The following IGSF11 variants were observed in gnomAD, a reference collection of about 807,000 sequenced individuals.
IGSF11 encodes the protein CXADR like 1.
A neutral mutation model predicts 41.0 loss-of-function variants in IGSF11; 22 were observed. The observed-to-expected ratio is 0.54, with a 90% confidence interval of 0.38 to 0.77. The LOEUF is 0.77. Ranked by LOEUF, IGSF11 falls within the 30% of genes least tolerant of loss-of-function variation. The probability of loss-of-function intolerance (pLI) is 0.00; values close to 1 mark genes in which losing one functional copy is unlikely to be tolerated. For synonymous variants in IGSF11, 219 were observed against 201.3 expected, an observed-to-expected ratio of 1.09 and a Z score of -0.74; for missense variants, 444 against 530.8, an observed-to-expected ratio of 0.84 and a Z score of 1.61.
intron 1 of IGSF11, among the ~76,000 whole-genome samples, chr3:119,094,251 A>AAAAAAAAAT (rs2076812553): frequency 2.4e-5 from 3 of 126,074 alleles, no homozygotes; most frequent in Non-Finnish European, 3.5e-5. Context: ...AAAAAAAAAA[A>AAAAAAAAAT]GTTGTTGTTC....
intron 1 of IGSF11, among the ~76,000 whole-genome samples, chr3:118,935,954 G>A (rs1030375433): frequency 2.0e-5 from 3 of 152,096 alleles, no homozygotes; most frequent in Non-Finnish European, 2.9e-5. Flanking sequence ...TGCAGAAGAC[G>A]AAATTAAGTT....
intron 1 of IGSF11, among the ~76,000 whole-genome samples, chr3:119,143,488 T>A (rs937299387): frequency 6.6e-6 from 1 of 151,622 alleles, no homozygotes; most frequent in African/African-American, 2.4e-5. Flanking sequence ...AGAAAAGGAA[T>A]GAGAAAGGAA....
At chr3:119,124,593 A>T (rs1258070306) in intron 1 of IGSF11, among the ~76,000 whole-genome samples, 20 of 152,092 alleles carry the variant, frequency 1.3e-4, no homozygotes, top group Admixed American at 1.3e-3. Flanking sequence ...GCTTGAAGAC[A>T]GACTATTTGA....
At chr3:118,957,995 T>A (rs1046174404) in intron 1 of IGSF11, among the ~76,000 whole-genome samples, 2 of 152,206 alleles carry the variant, frequency 1.3e-5, no homozygotes, top group Admixed American at 1.3e-4. Flanking sequence ...AGTTTTACAA[T>A]AGCTGAAAAG....
rs1442775812 is a variant in IGSF11 at position 119,136,472 on chromosome 3, A to G, written c.-14+9341T>C. On this transcript the variant is annotated intron_variant, in intron 1 of 7. Transcript: ENST00000425327. ...GCACACATAGACTGAAAATTAAGGG[A>G]TGGAAAAGGATATTCCATGTCTATG... Among the ~76,000 whole-genome samples the G allele has an allele frequency of 3.7e-4, 56 of 152,194 alleles. 1 individual carries two copies. Among genetic ancestry groups the G allele is most frequent in the Admixed American group, 3.7e-3 (56 of 15,268 alleles).
chr3:119,137,124 T>C (rs981162752), intron 1 of IGSF11, among the ~76,000 whole-genome samples: 1 of 152,074 alleles, frequency 6.6e-6, no homozygotes, highest in African/African-American at 2.4e-5. Flanking sequence ...AAAAGAATCA[T>C]TATTTTTTAA....
chr3:118,920,442 G>A (rs1941663274), intron 4 of IGSF11, among the ~76,000 whole-genome samples: 1 of 151,872 alleles, frequency 6.6e-6, no homozygotes, highest in Non-Finnish European at 1.5e-5. Context: ...GCTCTCAGAT[G>A]ACAGATTGAA....
intron 1 of IGSF11, among the ~76,000 whole-genome samples, chr3:119,100,849 A>T (rs2076927655): frequency 6.6e-6 from 1 of 152,238 alleles, no homozygotes; most frequent in South Asian, 2.1e-4. Flanking sequence ...AGATATGGAA[A>T]CTGTTCACAA....
intron 1 of IGSF11, among the ~76,000 whole-genome samples, chr3:119,119,968 G>A (rs1288266642): frequency 2.0e-5 from 3 of 152,186 alleles, no homozygotes; most frequent in African/African-American, 7.2e-5. Context: ...AATTTGCTTA[G>A]GGAATTTTAA....
intron 1 of IGSF11, among the ~76,000 whole-genome samples, chr3:118,955,215 T>TACAC (rs1215323013): frequency 2.7e-4 from 36 of 135,126 alleles, no homozygotes; most frequent in African/African-American, 1.0e-3. Flanking sequence ...TATGTATATG[T>TACAC]ACATACACAC....
chr3:118,904,798 G>T lies in IGSF11; in HGVS notation c.704C>A (p.Pro235His). The T allele has an allele frequency of 6.3e-7, 1 of 1,590,642 alleles. No homozygotes were observed. The change falls in exon 6 of 7, where the codon CCC becomes CAC. Residue 235 changes from proline (P) to histidine (H), a missense_variant and splice_region_variant. Physicochemically the swap from Pro to His is moderately conservative, Grantham distance 77. This residue lies in a region of IGSF11 where 193 missense variants were observed against 283.5 expected (regional missense o/e 0.68). Transcript: ENST00000393775. Reference protein sequence around the residue: ...TCLLDLQVISPQPRNIGLIAG... With the variant: ...TCLLDLQVISHQPRNIGLIAG... ...TATTAGTCCAATGTTCCTGGGCTGGGCTGCAAAATATATTTAAGATATATT... is the reference window on the plus strand; with the variant it reads ...TATTAGTCCAATGTTCCTGGGCTGGTCTGCAAAATATATTTAAGATATATT...
intron 1 of IGSF11, among the ~76,000 whole-genome samples, chr3:119,040,811 T>C (rs796970995): frequency 1.3e-5 from 2 of 152,338 alleles, no homozygotes; most frequent in African/African-American, 4.8e-5. Flanking sequence ...TGAAATTATT[T>C]ACAACACATT....
intron 1 of IGSF11, among the ~76,000 whole-genome samples, chr3:119,042,396 A>C (rs72953007): frequency 2.2e-4 from 34 of 152,340 alleles, no homozygotes; most frequent in African/African-American, 8.2e-4. Flanking sequence ...CCCTGATTGC[A>C]GGCTGACTGG....
At chr3:119,030,708 T>G (rs1940313895) in intron 1 of IGSF11, among the ~76,000 whole-genome samples, 1 of 152,076 alleles carries the variant, frequency 6.6e-6, no homozygotes, top group South Asian at 2.1e-4. Context: ...GCTCACAAAG[T>G]ATGGTCAAGA....
intron 1 of IGSF11, among the ~76,000 whole-genome samples, chr3:119,094,361 C>T (rs912854713): frequency 6.8e-6 from 1 of 147,534 alleles, no homozygotes; most frequent in African/African-American, 2.5e-5. Flanking sequence ...TAAACCACAA[C>T]ATACACATGG....
At chr3:119,016,978 T>C (rs1938761191) in intron 1 of IGSF11, among the ~76,000 whole-genome samples, 1 of 131,192 alleles carries the variant, frequency 7.6e-6, no homozygotes, top group African/African-American at 3.0e-5. Context: ...AATAGATAAG[T>C]ACATAAATTA....
rs1031702339 is a variant in IGSF11, at chr3:118,949,850, T to C, written c.53-19575A>G. Among the ~76,000 whole-genome samples, 5 of 152,312 alleles carry C rather than the reference T, an allele frequency of 3.3e-5. 1 individual carries two copies. The highest frequency in any genetic ancestry group is 1.9e-4 in the East Asian group (1 of 5,180). On this transcript the variant is annotated intron_variant, in intron 1 of 6. Coordinates refer to ENST00000393775, the MANE Select transcript of IGSF11 (RefSeq NM_001015887.3). ...GGATTAAGCAAACAGCTGTTCCAGG[T>C]AGATCAAAAAGCCTCTGCATACCTT...
At chr3:119,029,356 T>C (rs936201172) in intron 1 of IGSF11, among the ~76,000 whole-genome samples, 8 of 151,852 alleles carry the variant, frequency 5.3e-5, no homozygotes, top group African/African-American at 1.7e-4. Context: ...GTTAACTTCA[T>C]TAAACAAGGG....
intron 1 of IGSF11, among the ~76,000 whole-genome samples, chr3:119,118,169 G>A (rs1189987356): frequency 6.6e-6 from 1 of 152,240 alleles, no homozygotes; most frequent in Non-Finnish European, 1.5e-5. Flanking sequence ...TGCCCCAGTA[G>A]GGACTCTGTG....
Sources: allele counts gnomAD v4.1 joint callset (sites outside exome capture counted in the v4.1 genomes callset), GRCh38; gene constraint gnomAD v4.1.1; regional missense constraint gnomAD v4.1.1; transcripts MANE v1.5; gene names NCBI Gene and HGNC (gene_info 2026-07-23, HGNC 2026-07-21).